Variants in DNAH7 observed in about 807,000 individuals in gnomAD.
The protein encoded by DNAH7 is axonemal beta dynein heavy chain 7.
DNAH7 carries 397 observed loss-of-function variants against 444.6 expected under a neutral mutation model. That is an observed-to-expected ratio of 0.89 (90% CI 0.82 to 0.97). DNAH7 has a LOEUF of 0.97. Among genes scored for constraint, DNAH7 ranks in the 50% least tolerant of loss-of-function variants. The probability of loss-of-function intolerance (pLI) is 0.00; values close to 1 mark genes in which losing one functional copy is unlikely to be tolerated. For synonymous variants in DNAH7, 1,636 were observed against 1,624.4 expected (o/e 1.01, Z -0.17); for missense variants, 4,902 against 4,800.8 (o/e 1.02, Z -0.62).
intron 1 of DNAH7, 61 bp downstream of exon 1, chr2:196,068,636 T>C: frequency 1.9e-6 from 3 of 1,548,206 alleles, no homozygotes; most frequent in South Asian, 2.4e-5. Context: ...CTTCCACCAC[T>C]TCCGAAACGC....
intron 3 of DNAH7, among the ~76,000 whole-genome samples, chr2:196,049,474 C>T (rs1697335897): frequency 6.6e-6 from 1 of 152,206 alleles, no homozygotes; most frequent in African/African-American, 2.4e-5. Flanking sequence ...TTGATTTCAA[C>T]TACAGGGGTC....
intron 18 of DNAH7, among the ~76,000 whole-genome samples, chr2:195,958,709 T>A (rs1025379636): frequency 8.5e-5 from 13 of 152,218 alleles, no homozygotes; most frequent in Admixed American, 3.3e-4. Flanking sequence ...AGAATAAATA[T>A]AATTACTCCA....
At position 195,987,166 on chromosome 2, in the gene DNAH7, G is replaced by A. The variant is rs762764737; in HGVS notation, c.1654C>T (p.His552Tyr). 1.2e-6 allele frequency: 2 copies of A among 1,601,258 alleles called. No individual in the cohort carries two copies. The highest frequency in any genetic ancestry group is 8.5e-7 in the Non-Finnish European group (1 of 1,174,412). ...KTIRLGMFEM[H>Y]CEELIRALVK... ...AAAGCTCTGATTAATTCCTCACAGTGCATTTCAAACATTCCTAAACGAATA... is the reference window on the plus strand; with the variant it reads ...AAAGCTCTGATTAATTCCTCACAGTACATTTCAAACATTCCTAAACGAATA... The change falls in exon 14 of 65, where the codon CAC becomes TAC. Residue 552 changes from histidine (H) to tyrosine (Y), a missense_variant. His to Tyr is a moderately conservative substitution (Grantham distance 83). Transcript: ENST00000312428.
intron 2 of DNAH7, among the ~76,000 whole-genome samples, chr2:196,052,682 A>G (rs907169298): frequency 5.9e-5 from 9 of 152,338 alleles, no homozygotes; most frequent in Middle Eastern, 3.4e-3. Context: ...ATTAAAGACC[A>G]TGTGCTTCCA....
intron 49 of DNAH7, among the ~76,000 whole-genome samples, chr2:195,818,423 C>G (rs1574489631): frequency 6.6e-6 from 1 of 152,184 alleles, no homozygotes; most frequent in African/African-American, 2.4e-5. Flanking sequence ...CCTGCTTCAT[C>G]TGGGGACCTA....
rs186166252 is a variant in DNAH7, at chr2:195,745,005, G to A, written c.11765-4136C>T. ...CAGCAACGGAACAGAGCTGGACGGAGAATGACTTTGACGAGCTGAGAGAAG... is the reference window on the plus strand; with the variant it reads ...CAGCAACGGAACAGAGCTGGACGGAAAATGACTTTGACGAGCTGAGAGAAG... On this transcript the variant is annotated intron_variant, in intron 63 of 64. Transcript: ENST00000312428. 6.0e-4 allele frequency among the ~76,000 whole-genome samples: 91 copies of A among 152,378 alleles called. 2 individuals carry two copies. The Middle Eastern group carries it at 0.01, about 17-fold the overall frequency.
At chr2:195,763,087 T>G (rs927723903) in intron 61 of DNAH7, among the ~76,000 whole-genome samples, 1 of 152,004 alleles carries the variant, frequency 6.6e-6, no homozygotes, top group Non-Finnish European at 1.5e-5. Context: ...TACATGGAAA[T>G]TAAACAATAT....
chr2:195,920,082 A>ATC (rs1687931703), intron 24 of DNAH7, among the ~76,000 whole-genome samples: 1 of 152,154 alleles, frequency 6.6e-6, no homozygotes, highest in Non-Finnish European at 1.5e-5. Context: ...TTGAAAACTC[A>ATC]GTGTTTCTAG....
chr2:195,845,178 C>T lies in DNAH7; in HGVS notation c.8782-13G>A, dbSNP rs756067349. On this transcript the variant is annotated splice_polypyrimidine_tract_variant and intron_variant, in intron 46 of 64. Transcript: ENST00000312428. The stretch of plus-strand genomic sequence containing the variant: ...CTTTAGTTTGATTCTTTAGAACATC[C>T]ACAGAAAGATAAAGAAATGAGACTG... 1 of 1,595,024 alleles carries T rather than the reference C, an allele frequency of 6.3e-7. No individual in the cohort carries two copies. Among genetic ancestry groups the T allele is most frequent in the Non-Finnish European group, 8.5e-7 (1 of 1,171,280 alleles).
At chr2:195,755,015 T>C (rs531714580) in intron 62 of DNAH7, among the ~76,000 whole-genome samples, 2 of 152,248 alleles carry the variant, frequency 1.3e-5, no homozygotes, top group African/African-American at 2.4e-5. Context: ...TGTGCATTAA[T>C]GCAAACAAAT....
chr2:195,847,345 C>T (rs985991824), intron 46 of DNAH7, among the ~76,000 whole-genome samples: 1 of 151,672 alleles, frequency 6.6e-6, no homozygotes, highest in African/African-American at 2.4e-5. Context: ...TCTGCAGCAA[C>T]ATGGATGGAA....
At chr2:195,776,409 C>T (rs895300046) in intron 59 of DNAH7, among the ~76,000 whole-genome samples, 1 of 151,534 alleles carries the variant, frequency 6.6e-6, no homozygotes, top group African/African-American at 2.4e-5. Context: ...CACCATTACA[C>T]TCCAGCCTGG....
intron 16 of DNAH7, among the ~76,000 whole-genome samples, chr2:195,970,597 C>T (rs1267947374): frequency 6.6e-6 from 1 of 152,070 alleles, no homozygotes; most frequent in Non-Finnish European, 1.5e-5. Flanking sequence ...GTCCAATGGG[C>T]TCTCTTCACA....
At chr2:196,013,879 G>C (rs752546958) in intron 9 of DNAH7, among the ~76,000 whole-genome samples, 1 of 152,168 alleles carries the variant, frequency 6.6e-6, no homozygotes, top group Non-Finnish European at 1.5e-5. Flanking sequence ...GCTGTAATCA[G>C]GATGCAGATG....
chr2:195,880,330 C>A (rs970408195), intron 36 of DNAH7, among the ~76,000 whole-genome samples: 1 of 136,682 alleles, frequency 7.3e-6, no homozygotes, highest in African/African-American at 2.7e-5. Flanking sequence ...CTTTCTTTTT[C>A]TTTTTTTTTT....
rs543418916 is a variant in DNAH7 at position 195,994,957 on chromosome 2, G to A, written c.1353+5747C>T. Reference sequence around the variant, plus strand: ...TCCTTCTTCCTTTTCTTTAGACAGAGTCTTGCTCTGTTGCCAGGCTGGAGT... The same window carrying A: ...TCCTTCTTCCTTTTCTTTAGACAGAATCTTGCTCTGTTGCCAGGCTGGAGT... On this transcript the variant is annotated intron_variant, in intron 12 of 64. Transcript: ENST00000312428. 1.4e-4 allele frequency: 40 copies of A among 277,742 alleles called. No individual in the cohort carries two copies. The Admixed American group carries it at 1.6e-3, about 11-fold the overall frequency. The allele number at this position is 277,742 out of a possible 1,614,324, so 17.2% of individuals were successfully genotyped here.
In DNAH7 at chr2:195,906,929, T is replaced by C; in HGVS notation, c.4185A>G (p.Gln1395=). The change falls in exon 26 of 65, where the codon CAA becomes CAG. Residue 1395 remains glutamine (Q), a synonymous_variant. Coordinates refer to ENST00000312428, the MANE Select transcript of DNAH7 (RefSeq NM_018897.3). Reference sequence around the variant, plus strand: ...TACCTCTTTGGATAGTAAGGATTTGTTGAGCAACCACAGAGAGTACTTCCA... The same window carrying C: ...TACCTCTTTGGATAGTAAGGATTTGCTGAGCAACCACAGAGAGTACTTCCA... The part of the protein sequence containing the change: ...IDLEVLSVVA[Q]QILTIQRGIN... The C allele has an allele frequency of 1.9e-6, 3 of 1,613,150 alleles. No homozygotes were observed. The highest frequency in any genetic ancestry group is 2.2e-5 in the South Asian group (2 of 91,024).
rs1220640947 is a variant in DNAH7, at chr2:196,048,291, C to T, written c.250+5G>A. ...AAATCTAATTTAGAATATTGAAGTT[C>T]TTACCATGGGACTGTTCATTTTTAA... On this transcript the variant is annotated splice_donor_5th_base_variant and intron_variant, in intron 4 of 64. Coordinates refer to ENST00000312428, the MANE Select transcript of DNAH7 (RefSeq NM_018897.3). The T allele has an allele frequency of 6.3e-7, 1 of 1,598,650 alleles. No individual in the cohort carries two copies. The highest frequency in any genetic ancestry group is 2.2e-5 in the East Asian group (1 of 44,776).
chr2:196,041,860 AAATAAT>A (rs146323930), intron 5 of DNAH7, among the ~76,000 whole-genome samples: 4,257 of 151,676 alleles, frequency 0.028, 85 homozygotes, highest in Non-Finnish European at 0.039. Flanking sequence ...ACTCAACAAC[AAATAAT>A]AATAATAATA....
Sources: gnomAD v4.1 joint callset for allele counts (sites outside exome capture counted in the v4.1 genomes callset) on GRCh38, gnomAD v4.1.1 for gene constraint, MANE v1.5 for transcripts, NCBI Gene and HGNC (gene_info 2026-07-23, HGNC 2026-07-21) for gene names.